The following MLXIP variants were observed in gnomAD, a reference collection of about 807,000 sequenced individuals.
MLXIP encodes the protein MLX interacting protein.
A neutral mutation model predicts 87.2 loss-of-function variants in MLXIP; 30 were observed. That is an observed-to-expected ratio of 0.34 (90% CI 0.26 to 0.47). The LOEUF is 0.47. Ranked by LOEUF, MLXIP falls within the 20% of genes least tolerant of loss-of-function variation. The pLI, the probability that MLXIP is intolerant of heterozygous loss-of-function variation, is 1.00. For missense variants in MLXIP, 1,002 were observed against 1,240.1 expected (o/e 0.81, Z 2.88); for synonymous variants, 530 against 514.0 (o/e 1.03, Z -0.42).
In MLXIP at chr12:122,115,610, A is replaced by G. The variant is rs546691762; in HGVS notation, c.414-11646A>G. On this transcript the variant is annotated intron_variant, in intron 1 of 16. Coordinates refer to ENST00000319080, the MANE Select transcript of MLXIP (RefSeq NM_014938.6). The stretch of plus-strand genomic sequence containing the variant: ...TCTCAAAAAAAAAAAAAAAAAGACC[A>G]GTAGAGATGACTACACAAATATGTA... Among the ~76,000 whole-genome samples the G allele has an allele frequency of 1.5e-3, 218 of 146,774 alleles. 1 individual carries two copies. Among genetic ancestry groups the G allele is most frequent in the African/African-American group, 5.0e-3 (200 of 40,154 alleles).
At chr12:122,113,681 C>CTTTTTTT (rs1173711241) in intron 1 of MLXIP, among the ~76,000 whole-genome samples, 2,451 of 100,626 alleles carry the variant, frequency 0.024, 279 homozygotes, top group African/African-American at 0.032. Context: ...GCCTTCATTT[C>CTTTTTTT]TTTTTTTTTT....
intron 1 of MLXIP, among the ~76,000 whole-genome samples, chr12:122,100,440 A>G (rs1952419867): frequency 6.6e-6 from 1 of 152,206 alleles, no homozygotes; most frequent in Non-Finnish European, 1.5e-5. Flanking sequence ...GGGAAGTAGA[A>G]ATCTGTCTCA....
At position 122,129,856 on chromosome 12, in the gene MLXIP, G is replaced by A. The variant is rs1435676321; in HGVS notation, c.739-85G>A. The A allele has an allele frequency of 2.4e-5, 37 of 1,524,984 alleles. No homozygotes were observed. In the South Asian group the frequency reaches 3.2e-4, roughly 13 times the overall value. 94.5% of individuals were successfully genotyped at this position (1,524,984 alleles called of 1,614,324 possible). On this transcript the variant is annotated intron_variant, in intron 5 of 16. Coordinates refer to ENST00000319080, the MANE Select transcript of MLXIP (RefSeq NM_014938.6). ...CACTTCCACTGAGCACCCCTTTGAC[G>A]AATTTCCCCAGGTGACAGGCGTGGG...
At chr12:122,122,695 C>T (rs1952803005) in intron 1 of MLXIP, among the ~76,000 whole-genome samples, 1 of 152,022 alleles carries the variant, frequency 6.6e-6, no homozygotes, top group Non-Finnish European at 1.5e-5. Context: ...GCGCCCGCCA[C>T]CACGACGCCT....
chr12:122,094,894 G>T (rs1952325270), intron 1 of MLXIP, among the ~76,000 whole-genome samples: 1 of 148,722 alleles, frequency 6.7e-6, no homozygotes, highest in Admixed American at 6.7e-5. Flanking sequence ...TACGTATGGG[G>T]AGTGTGTGGG....
intron 1 of MLXIP, among the ~76,000 whole-genome samples, chr12:122,098,070 G>A (rs991137930): frequency 2.6e-5 from 4 of 152,248 alleles, no homozygotes; most frequent in Admixed American, 1.3e-4. Context: ...CCTGTGTGGA[G>A]CCAGCTGCGC....
At chr12:122,105,230 C>T (rs1258804658) in intron 1 of MLXIP, among the ~76,000 whole-genome samples, 4 of 152,316 alleles carry the variant, frequency 2.6e-5, no homozygotes, top group African/African-American at 9.6e-5. Context: ...GGAAGCTTCA[C>T]TGATTGTGGA....
At chr12:122,120,072 T>A (rs1246236993) in intron 1 of MLXIP, among the ~76,000 whole-genome samples, 1 of 152,228 alleles carries the variant, frequency 6.6e-6, no homozygotes, top group Non-Finnish European at 1.5e-5. Context: ...GTCCTACTGA[T>A]GATGGATAAA....
intron 1 of MLXIP, among the ~76,000 whole-genome samples, chr12:122,082,767 A>G (rs1444449289): frequency 1.3e-5 from 2 of 152,326 alleles, no homozygotes; most frequent in South Asian, 4.1e-4. Context: ...AACATAGTTC[A>G]TGGTTCTTGC....
chr12:122,135,903 CGTGTGCTCGGGGA>C lies in MLXIP; in HGVS notation c.2032+240_2032+252del. 1 of 502,076 alleles carries C rather than the reference CGTGTGCTCGGGGA, an allele frequency of 2.0e-6. No individual in the cohort carries two copies. Among genetic ancestry groups the C allele is most frequent in the Non-Finnish European group, 3.4e-6 (1 of 291,774 alleles). The allele number at this position is 502,076 out of a possible 1,614,324, so 31.1% of individuals were successfully genotyped here. A position where few individuals can be genotyped will look rare whatever the true frequency, so the allele number is the denominator to read the frequency against. ...TGAACATGTGGCAGTGTAGGTGACC[CGTGTGCTCGGGGA>C]GTCCCTGCTGACTGCCCACGAAGGC... On this transcript the variant is annotated intron_variant, in intron 11 of 16. Transcript: ENST00000319080. The surrounding 1 kb of genome is among the most constrained non-coding windows in gnomAD (Gnocchi z 5.3).
chr12:122,098,273 A>T (rs1253105811), intron 1 of MLXIP, among the ~76,000 whole-genome samples: 1 of 152,142 alleles, frequency 6.6e-6, no homozygotes, highest in African/African-American at 2.4e-5. Flanking sequence ...TCTTCCCCAC[A>T]GAGAGATTTT....
At chr12:122,116,073 C>T (rs2135950215) in intron 1 of MLXIP, among the ~76,000 whole-genome samples, 1 of 151,904 alleles carries the variant, frequency 6.6e-6, no homozygotes, top group East Asian at 1.9e-4. Context: ...CACACACACA[C>T]ACACACACAC....
chr12:122,135,404 T>G lies in MLXIP; in HGVS notation c.1854+59T>G, dbSNP rs559005609. 1.9e-6 allele frequency: 3 copies of G among 1,600,246 alleles called. No homozygotes were observed. The highest frequency in any genetic ancestry group is 2.7e-5 in the African/African-American group (2 of 74,844). ...TTCTCACCCCGGAGCACTCTGATCT[T>G]GGGCGGCCCTCACCTGAGACGACTG... On this transcript the variant is annotated intron_variant, in intron 10 of 16. Transcript: ENST00000319080. The surrounding 1 kb of genome is among the most constrained non-coding windows in gnomAD (Gnocchi z 5.3).
At chr12:122,088,676 T>A (rs1208899576) in intron 1 of MLXIP, among the ~76,000 whole-genome samples, 1 of 152,074 alleles carries the variant, frequency 6.6e-6, no homozygotes, top group East Asian at 1.9e-4. Flanking sequence ...TGAGGAATAT[T>A]CTGCAAGTAG....
At chr12:122,134,347 A>T in intron 9 of MLXIP, 1 of 254,920 alleles carries the variant, frequency 3.9e-6, no homozygotes, top group Non-Finnish European at 7.4e-6. Context: ...GGTGTGCGCC[A>T]CTATACTCGG....
At chr12:122,109,424 G>T (rs919320606) in intron 1 of MLXIP, among the ~76,000 whole-genome samples, 2 of 151,852 alleles carry the variant, frequency 1.3e-5, no homozygotes, top group Non-Finnish European at 2.9e-5. Flanking sequence ...GGCTGGTCTC[G>T]AACTCCTGGC....
At chr12:122,094,204 TGTGGA>T (rs1952304811) in intron 1 of MLXIP, among the ~76,000 whole-genome samples, 3 of 108,298 alleles carry the variant, frequency 2.8e-5, no homozygotes, top group East Asian at 6.0e-4. Context: ...TGTGTTGGTG[TGTGGA>T]GTGTGTGGGT....
At chr12:122,103,175 ATATGTATG>A (rs199580759) in intron 1 of MLXIP, among the ~76,000 whole-genome samples, 7 of 107,240 alleles carry the variant, frequency 6.5e-5, no homozygotes, top group South Asian at 3.2e-4. Context: ...GGCTAATTTT[ATATGTATG>A]TATGTATGTA....
At chr12:122,096,690 C>CA (rs1383295991) in intron 1 of MLXIP, among the ~76,000 whole-genome samples, 1 of 152,248 alleles carries the variant, frequency 6.6e-6, no homozygotes, top group African/African-American at 2.4e-5. Context: ...GTAGAACGCA[C>CA]AGTCAGCAGC....
Sources: gnomAD v4.1 joint callset for allele counts (sites outside exome capture counted in the v4.1 genomes callset) on GRCh38, gnomAD v4.1.1 for gene constraint, Gnocchi (gnomAD v3.1) non-coding constraint, MANE v1.5 for transcripts, NCBI Gene and HGNC (gene_info 2026-07-23, HGNC 2026-07-21) for gene names.